Variants in NRXN1 observed in about 807,000 individuals in gnomAD.
NRXN1 encodes neurexin-1.
A neutral mutation model predicts 150.9 loss-of-function variants in NRXN1; 39 were observed. That is an observed-to-expected ratio of 0.26 (90% CI 0.20 to 0.34). NRXN1 has a LOEUF of 0.34. Among genes scored for constraint, NRXN1 ranks in the 10% least tolerant of loss-of-function variants. The pLI, the probability that NRXN1 is intolerant of heterozygous loss-of-function variation, is 1.00. For missense variants in NRXN1, 1,815 were observed against 1,949.9 expected, an observed-to-expected ratio of 0.93 and a Z score of 1.30; for synonymous variants, 924 against 757.0, an observed-to-expected ratio of 1.22 and a Z score of -3.62.
intron 21 of NRXN1, among the ~76,000 whole-genome samples, chr2:49,994,222 A>T (rs1168354297): frequency 1.3e-5 from 2 of 152,166 alleles, no homozygotes; most frequent in African/African-American, 4.8e-5. Context: ...CTCTGCAGAC[A>T]AACCTGGGCT....
intron 21 of NRXN1, among the ~76,000 whole-genome samples, chr2:50,036,373 G>A (rs1044711059): frequency 6.6e-6 from 1 of 152,060 alleles, no homozygotes; most frequent in African/African-American, 2.4e-5. Context: ...GCTATGTTGA[G>A]TTGTGGGTCA....
chr2:50,024,696 C>G (rs1199803854), intron 21 of NRXN1, among the ~76,000 whole-genome samples: 1 of 151,948 alleles, frequency 6.6e-6, no homozygotes, highest in African/African-American at 2.4e-5. Flanking sequence ...CTCGCTGCAA[C>G]CTTTGCCTCC....
intron 2 of NRXN1, among the ~76,000 whole-genome samples, chr2:50,979,544 T>C (rs2104867119): frequency 6.6e-6 from 1 of 152,256 alleles, no homozygotes; most frequent in East Asian, 1.9e-4. Flanking sequence ...TTATAAATTA[T>C]TTCATAGACT....
chr2:50,605,308 G>A (rs1020750132), intron 8 of NRXN1, among the ~76,000 whole-genome samples: 2 of 152,154 alleles, frequency 1.3e-5, no homozygotes, highest in Non-Finnish European at 2.9e-5. Context: ...GAGGCAATGT[G>A]AATTATCCAT....
In NRXN1 at chr2:50,851,669, T is replaced by C. The variant is rs564685773; in HGVS notation, c.832+70200A>G. Among the ~76,000 whole-genome samples the C allele has an allele frequency of 2.1e-4, 32 of 152,028 alleles. No individual in the cohort carries two copies. In the South Asian group the frequency reaches 3.3e-3, roughly 16 times the overall value. ...TGTTAGTTTAAAATAAACGGATAAATTCCTAAGCAGTGAGACAAAATCTAA... is the reference window on the plus strand; with the variant it reads ...TGTTAGTTTAAAATAAACGGATAAACTCCTAAGCAGTGAGACAAAATCTAA... On this transcript the variant is annotated intron_variant, in intron 5 of 22. Transcript: ENST00000401669.
At chr2:50,751,583 A>G (rs1700599741) in intron 5 of NRXN1, among the ~76,000 whole-genome samples, 1 of 151,944 alleles carries the variant, frequency 6.6e-6, no homozygotes, top group Non-Finnish European at 1.5e-5. Context: ...CCCATATGCC[A>G]TATTTCCAGC....
At chr2:49,934,785 T>TTC (rs956305320) in intron 22 of NRXN1, among the ~76,000 whole-genome samples, 5 of 151,612 alleles carry the variant, frequency 3.3e-5, no homozygotes, top group African/African-American at 1.2e-4. Context: ...CACTCTCCCT[T>TTC]TCTCTCTCTC....
intron 17 of NRXN1, among the ~76,000 whole-genome samples, chr2:50,266,954 C>T (rs1049993853): frequency 6.6e-6 from 1 of 152,170 alleles, no homozygotes; most frequent in Non-Finnish European, 1.5e-5. Context: ...AACTTCATCT[C>T]TGTGTACAGA....
chr2:50,608,617 A>G (rs1677525019), intron 8 of NRXN1, among the ~76,000 whole-genome samples: 1 of 151,868 alleles, frequency 6.6e-6, no homozygotes, highest in African/African-American at 2.4e-5. Flanking sequence ...CCAAATAATT[A>G]TTAAATAATA....
At chr2:50,120,205 G>C (rs1230619582) in intron 18 of NRXN1, among the ~76,000 whole-genome samples, 2 of 152,084 alleles carry the variant, frequency 1.3e-5, no homozygotes, top group African/African-American at 4.8e-5. Flanking sequence ...ATATAAGGTA[G>C]AGGAAAATAT....
chr2:50,785,537 C>T (rs1053750769), intron 5 of NRXN1, among the ~76,000 whole-genome samples: 3 of 152,086 alleles, frequency 2.0e-5, no homozygotes, highest in Non-Finnish European at 4.4e-5. Flanking sequence ...CATGAGCCAC[C>T]GTGCCCAGCC....
chr2:50,878,507 A>G (rs560747841), intron 5 of NRXN1, among the ~76,000 whole-genome samples: 1 of 152,062 alleles, frequency 6.6e-6, no homozygotes, highest in African/African-American at 2.4e-5. Flanking sequence ...TTTTTCCTCA[A>G]AAGAAACCAG....
At chr2:50,461,176 C>T (rs920710385) in intron 17 of NRXN1, among the ~76,000 whole-genome samples, 3 of 151,860 alleles carry the variant, frequency 2.0e-5, no homozygotes, top group Admixed American at 6.6e-5. Context: ...GTATTTTATC[C>T]TCATTTCAGC....
chr2:50,313,333 T>C (rs1396347308), intron 17 of NRXN1, among the ~76,000 whole-genome samples: 1 of 152,094 alleles, frequency 6.6e-6, no homozygotes, highest in Non-Finnish European at 1.5e-5. Flanking sequence ...GACACTAATA[T>C]TGCTCCTCTG....
chr2:50,302,101 T>A (rs1390264761), intron 17 of NRXN1, among the ~76,000 whole-genome samples: 1 of 106,214 alleles, frequency 9.4e-6, no homozygotes, highest in African/African-American at 3.2e-5. Flanking sequence ...AATGAAGATA[T>A]GTAGGAAAAA....
At chr2:50,753,894 G>A (rs1015203315) in intron 5 of NRXN1, among the ~76,000 whole-genome samples, 1 of 141,316 alleles carries the variant, frequency 7.1e-6, no homozygotes, top group Non-Finnish European at 1.5e-5. Flanking sequence ...AAACCAAAAG[G>A]AAGTCATTTA....
intron 17 of NRXN1, among the ~76,000 whole-genome samples, chr2:50,388,205 AC>A (rs1360889447): frequency 5.3e-5 from 8 of 152,332 alleles, no homozygotes; most frequent in African/African-American, 1.9e-4. Flanking sequence ...CATTCATAAT[AC>A]AGTGAAGTAA....
At chr2:50,002,923 A>C (rs1003835569) in intron 21 of NRXN1, among the ~76,000 whole-genome samples, 9 of 152,156 alleles carry the variant, frequency 5.9e-5, no homozygotes, top group Admixed American at 3.9e-4. Context: ...ACATGACAGT[A>C]ATGTTACAAA....
chr2:50,138,342 A>G (rs2152756145), intron 18 of NRXN1, among the ~76,000 whole-genome samples: 1 of 145,052 alleles, frequency 6.9e-6, no homozygotes, highest in East Asian at 2.3e-4. Flanking sequence ...CTGGTTTCTA[A>G]GATTAAAAAA....
Sources: gnomAD v4.1 joint callset for allele counts (sites outside exome capture counted in the v4.1 genomes callset) on GRCh38, gnomAD v4.1.1 for gene constraint, MANE v1.5 for transcripts, NCBI Gene and HGNC (gene_info 2026-07-23, HGNC 2026-07-21) for gene names.